The following LCOR variants were observed in gnomAD, a reference collection of about 807,000 sequenced individuals.
LCOR encodes ligand dependent nuclear receptor corepressor.
Under a neutral mutation model 64.4 loss-of-function variants are expected in LCOR, and 14 were observed. The ratio of observed to expected loss-of-function variants is 0.22; its 90% CI spans 0.14 to 0.34. The LOEUF (loss-of-function observed/expected upper bound fraction) is 0.34, where lower values mean the gene tolerates loss of function less well. LCOR is among the 10% of genes least tolerant of loss of function. LCOR has a pLI of 1.00. For synonymous variants in LCOR, 643 were observed against 642.5 expected (o/e 1.00, Z -0.01); for missense variants, 1,686 against 1,765.3 (o/e 0.96, Z 0.80).
At chr10:96,950,918 T>C (rs1188893639) in intron 6 of LCOR, among the ~76,000 whole-genome samples, 1 of 152,262 alleles carries the variant, frequency 6.6e-6, no homozygotes, top group South Asian at 2.1e-4. Flanking sequence ...GGATAATTGG[T>C]TCTATAAGCT....
chr10:96,892,025 C>T (rs2134433880), intron 2 of LCOR, among the ~76,000 whole-genome samples: 1 of 152,128 alleles, frequency 6.6e-6, no homozygotes, highest in South Asian at 2.1e-4. Context: ...ACGTGTTGCC[C>T]TAGAGGATGT....
chr10:96,858,886 A>G (rs1483782192), intron 2 of LCOR, among the ~76,000 whole-genome samples: 2 of 152,178 alleles, frequency 1.3e-5, no homozygotes, highest in Non-Finnish European at 2.9e-5. Context: ...CATTACACAG[A>G]TACAAATTAT....
At chr10:96,842,309 C>T (rs1017211338) in intron 2 of LCOR, among the ~76,000 whole-genome samples, 2 of 152,072 alleles carry the variant, frequency 1.3e-5, no homozygotes, top group Non-Finnish European at 2.9e-5. Flanking sequence ...GCAGGAGAAT[C>T]GCTTGAACCC....
intron 2 of LCOR, among the ~76,000 whole-genome samples, chr10:96,882,566 A>G (rs188079986): frequency 3.9e-5 from 6 of 152,258 alleles, no homozygotes; most frequent in Admixed American, 3.9e-4. Flanking sequence ...TACATTTATT[A>G]TAGTTGATGA....
At chr10:96,838,283 C>G (rs1177117923) in intron 2 of LCOR, among the ~76,000 whole-genome samples, 1 of 151,994 alleles carries the variant, frequency 6.6e-6, no homozygotes, top group Non-Finnish European at 1.5e-5. Context: ...AATTCCAGAA[C>G]ATTTTATTTT....
chr10:96,871,964 A>T (rs1257797695), intron 2 of LCOR, among the ~76,000 whole-genome samples: 1 of 152,222 alleles, frequency 6.6e-6, no homozygotes, highest in Admixed American at 6.5e-5. Flanking sequence ...TCTTCAGTTC[A>T]TCTTCTCCCC....
intron 2 of LCOR, among the ~76,000 whole-genome samples, chr10:96,843,661 C>G (rs1385082094): frequency 6.6e-6 from 1 of 152,176 alleles, no homozygotes; most frequent in Non-Finnish European, 1.5e-5. Context: ...GTACAGTGAA[C>G]AAACACCCAG....
intron 7 of LCOR, chr10:96,960,497 C>T (rs1847862598): frequency 6.6e-6 from 1 of 152,094 alleles, no homozygotes; most frequent in South Asian, 2.1e-4. Flanking sequence ...ATTAATCACT[C>T]TTTTCTGTAT....
rs548921555 is a variant in LCOR, at chr10:96,990,695, G to C, written c.*5561G>C. On this transcript the variant is annotated 3_prime_UTR_variant, in exon 8 of 8. Transcript: ENST00000421806. Reference sequence around the variant, plus strand: ...GTGTCCTTGCTCAGGCTTTTGCCTTGGGATTGAACCGAAGCTGCTCAGTTC... The same window carrying C: ...GTGTCCTTGCTCAGGCTTTTGCCTTCGGATTGAACCGAAGCTGCTCAGTTC... 5 of 152,428 alleles carry C rather than the reference G, an allele frequency of 3.3e-5. No homozygotes were observed. Among genetic ancestry groups the C allele is most frequent in the African/African-American group, 1.2e-4 (5 of 41,528 alleles). The allele number at this position is 152,428 out of a possible 1,614,324, so 9.4% of individuals were successfully genotyped here.
Position 96,984,441 on chromosome 10 carries a change from C to A in LCOR, c.3981C>A (p.Ile1327=). 6.2e-7 allele frequency: 1 copy of A among 1,614,182 alleles called. No homozygotes were observed. Among genetic ancestry groups the A allele is most frequent in the South Asian group, 1.1e-5 (1 of 91,082 alleles). ...AGCTCAGAGCCCAGCAACGTTTAAT[C>A]AAGAATGAGAAAATGGAATGCCCAG... The part of the protein sequence containing the change: ...RGKLRAQQRL[I]KNEKMECPDA... The change falls in exon 8 of 8, where the codon ATC becomes ATA. Residue 1327 remains isoleucine (I), a synonymous_variant. Coordinates refer to ENST00000421806, the MANE Select transcript of LCOR (RefSeq NM_001346516.2).
chr10:96,958,433 A>C (rs994285296), intron 7 of LCOR: 11 of 1,344,872 alleles, frequency 8.2e-6, no homozygotes, highest in African/African-American at 5.8e-5. Flanking sequence ...CGAGCAGCAG[A>C]AGAATGGTGT....
intron 7 of LCOR, chr10:96,964,103 TATG>T (rs1009493683): frequency 3.9e-5 from 6 of 152,354 alleles, no homozygotes; most frequent in South Asian, 2.1e-4. Context: ...GTAGAGCACT[TATG>T]ATCACAAATT....
At chr10:96,916,327 G>A (rs990170191) in intron 4 of LCOR, among the ~76,000 whole-genome samples, 6 of 151,438 alleles carry the variant, frequency 4.0e-5, no homozygotes, top group Admixed American at 3.9e-4. Context: ...CACCACACCC[G>A]GCCCCCTTGA....
At chr10:96,906,844 C>G (rs967220180) in intron 2 of LCOR, among the ~76,000 whole-genome samples, 2 of 152,158 alleles carry the variant, frequency 1.3e-5, no homozygotes, top group African/African-American at 4.8e-5. Flanking sequence ...AACTCAAAAT[C>G]TGTTGTCTCA....
At chr10:96,872,017 A>G (rs758175820) in intron 2 of LCOR, among the ~76,000 whole-genome samples, 1 of 152,234 alleles carries the variant, frequency 6.6e-6, no homozygotes, top group Non-Finnish European at 1.5e-5. Context: ...ATAGATTGAC[A>G]TAGTCCATGC....
At chr10:96,958,498 G>T (rs1232646954) in intron 7 of LCOR, 5 of 831,216 alleles carry the variant, frequency 6.0e-6, no homozygotes, top group Admixed American at 6.0e-5. Context: ...ATTTCAGATT[G>T]TAGGCTGAGA....
In LCOR at chr10:96,992,873, ATGTT is replaced by A. The variant is rs1384370477; in HGVS notation, c.*7740_*7743del. On this transcript the variant is annotated 3_prime_UTR_variant, in exon 8 of 8. Transcript: ENST00000421806. ...CTCTAATTAATCATGGGAGATAAGC[ATGTT>A]ACCTTCTGCACCTTGACTTTGCTCG... 6.6e-6 allele frequency: 1 copy of A among 152,272 alleles called. No individual in the cohort carries two copies. 9.4% of individuals were successfully genotyped at this position (152,272 alleles called of 1,614,324 possible). A position where few individuals can be genotyped will look rare whatever the true frequency, so the allele number is the denominator to read the frequency against.
intron 2 of LCOR, among the ~76,000 whole-genome samples, chr10:96,836,794 G>A (rs559377924): frequency 6.6e-6 from 1 of 152,232 alleles, no homozygotes; most frequent in East Asian, 1.9e-4. Flanking sequence ...TTAAACTGCA[G>A]TTCATGATTA....
chr10:96,973,235 A>G lies in LCOR; in HGVS notation c.333-7558A>G, dbSNP rs538138144. ...TGTATTCACTTTTGCCTACCCTTTC[A>G]CTGCTTCTCCTAAGCCAGTTCTGTG... is the stretch of plus-strand genomic sequence containing the variant. On this transcript the variant is annotated intron_variant, in intron 7 of 7. Transcript: ENST00000421806. Among the ~76,000 whole-genome samples the G allele has an allele frequency of 3.9e-5, 6 of 152,104 alleles. No homozygotes were observed. In the South Asian group the frequency reaches 1.2e-3, roughly 32 times the overall value.
Sources: gnomAD v4.1 joint callset for allele counts (sites outside exome capture counted in the v4.1 genomes callset) on GRCh38, gnomAD v4.1.1 for gene constraint, MANE v1.5 for transcripts, NCBI Gene and HGNC (gene_info 2026-07-23, HGNC 2026-07-21) for gene names.